NLGN1: variants seen among roughly 807,000 people sequenced by gnomAD.
NLGN1 encodes the protein neuroligin-1.
In NLGN1, 12 loss-of-function variants were observed where a neutral mutation model predicts 65.5. The observed-to-expected ratio is 0.18, with a 90% confidence interval of 0.12 to 0.30. The LOEUF is 0.30. NLGN1 is among the 10% of genes least tolerant of loss of function. The pLI, the probability that NLGN1 is intolerant of heterozygous loss-of-function variation, is 1.00. For synonymous variants in NLGN1, 350 were observed against 359.5 expected (o/e 0.97, Z 0.30); for missense variants, 750 against 1,007.1 (o/e 0.74, Z 3.46).
At chr3:174,137,381 T>C (rs1561131465) in intron 4 of NLGN1, among the ~76,000 whole-genome samples, 1 of 152,194 alleles carries the variant, frequency 6.6e-6, no homozygotes, top group Non-Finnish European at 1.5e-5. Flanking sequence ...CATAATTTTA[T>C]AGTAAAGATT....
chr3:173,716,624 C>G (rs1366303655), intron 3 of NLGN1, among the ~76,000 whole-genome samples: 2 of 152,070 alleles, frequency 1.3e-5, no homozygotes, highest in African/African-American at 4.8e-5. Flanking sequence ...GAATGCACAG[C>G]TTCAGCGAGA....
At chr3:173,969,570 C>T (rs780519689) in intron 4 of NLGN1, among the ~76,000 whole-genome samples, 5 of 152,078 alleles carry the variant, frequency 3.3e-5, no homozygotes, top group Non-Finnish European at 1.5e-5. Flanking sequence ...TTGGCCTGCC[C>T]ATTGAGAAGT....
intron 4 of NLGN1, among the ~76,000 whole-genome samples, chr3:174,127,672 C>T (rs1719241754): frequency 1.3e-5 from 2 of 152,098 alleles, no homozygotes; most frequent in Admixed American, 6.6e-5. Context: ...AAAAGGTACA[C>T]GTAGCAGGTA....
intron 2 of NLGN1, among the ~76,000 whole-genome samples, chr3:173,540,824 G>A (rs996762630): frequency 3.3e-5 from 5 of 152,056 alleles, no homozygotes; most frequent in African/African-American, 7.2e-5. Context: ...AATATGACAC[G>A]TTGACACATT....
intron 4 of NLGN1, among the ~76,000 whole-genome samples, chr3:173,941,761 A>G (rs1213191105): frequency 6.6e-6 from 1 of 152,102 alleles, no homozygotes; most frequent in Admixed American, 6.6e-5. Context: ...AACTGAAGTT[A>G]CAACTAACTG....
At chr3:173,781,855 A>G (rs1781216909) in intron 3 of NLGN1, among the ~76,000 whole-genome samples, 1 of 152,248 alleles carries the variant, frequency 6.6e-6, no homozygotes, top group Non-Finnish European at 1.5e-5. Context: ...CTCTTGGTAG[A>G]GTCATAAACT....
In NLGN1 at chr3:174,281,309, T is replaced by G. The variant is rs1490660098; in HGVS notation, c.*6T>G. The G allele has an allele frequency of 3.2e-6, 5 of 1,579,322 alleles. No homozygotes were observed. The African/African-American group carries it at 6.7e-5, about 21-fold the overall frequency. ...ATTCAACAACCAGGGTATAGCCAGA[T>G]AAGAGAAACAAACTATTTTTTTTGA... On this transcript the variant is annotated 3_prime_UTR_variant, in exon 7 of 7. Coordinates refer to ENST00000457714, the Ensembl canonical transcript of NLGN1.
chr3:173,776,261 T>A (rs1780283371), intron 3 of NLGN1, among the ~76,000 whole-genome samples: 1 of 151,994 alleles, frequency 6.6e-6, no homozygotes, highest in African/African-American at 2.4e-5. Flanking sequence ...GCAAACTGTG[T>A]CCAACTGGCC....
At chr3:173,945,860 A>G (rs1482600527) in intron 4 of NLGN1, among the ~76,000 whole-genome samples, 1 of 152,204 alleles carries the variant, frequency 6.6e-6, no homozygotes, top group East Asian at 1.9e-4. Context: ...ATTTGTAAAG[A>G]AAGGACAAGG....
chr3:173,596,029 T>C (rs1749427396), intron 2 of NLGN1, among the ~76,000 whole-genome samples: 1 of 152,220 alleles, frequency 6.6e-6, no homozygotes, highest in Non-Finnish European at 1.5e-5. Flanking sequence ...TAGTATTGTT[T>C]ATTCACAAAA....
chr3:173,914,314 G>A (rs1740276706), intron 4 of NLGN1, among the ~76,000 whole-genome samples: 1 of 152,056 alleles, frequency 6.6e-6, no homozygotes, highest in African/African-American at 2.4e-5. Flanking sequence ...TCTTCAAAGG[G>A]TTTAGGCTTT....
chr3:173,429,108 C>T (rs1041905089), intron 1 of NLGN1, among the ~76,000 whole-genome samples: 2 of 152,052 alleles, frequency 1.3e-5, no homozygotes, highest in Admixed American at 6.6e-5. Flanking sequence ...TTCTCAACTC[C>T]CTCCTGGCGG....
At chr3:174,103,643 C>T (rs141647603) in intron 4 of NLGN1, among the ~76,000 whole-genome samples, 1 of 151,912 alleles carries the variant, frequency 6.6e-6, no homozygotes, top group Non-Finnish European at 1.5e-5. Context: ...GAATCAGAGG[C>T]CTTTTGTTAT....
chr3:173,816,166 T>C (rs532165051), intron 4 of NLGN1, among the ~76,000 whole-genome samples: 1 of 151,744 alleles, frequency 6.6e-6, no homozygotes, highest in South Asian at 2.1e-4. Context: ...ATAGCCTAGT[T>C]GTAGAAGTCA....
chr3:174,197,751 C>CGTGTGTGTGTGTGTGTGTGTGTGTGT (rs71162378), intron 4 of NLGN1, among the ~76,000 whole-genome samples: 2 of 141,642 alleles, frequency 1.4e-5, no homozygotes, highest in African/African-American at 5.2e-5. Flanking sequence ...CCCATTATCT[C>CGTGTGTGTGTGTGTGTGTGTGTGTGT]GTGTGTGTGT....
intron 4 of NLGN1, among the ~76,000 whole-genome samples, chr3:173,947,355 A>G (rs1015210124): frequency 1.1e-4 from 17 of 152,170 alleles, no homozygotes; most frequent in African/African-American, 3.9e-4. Context: ...TTAACATACA[A>G]TAGTGATAAG....
chr3:173,972,947 A>AGTCTAAGAACCACTGTTAAGAGTTTAGTG (rs1716606926), intron 4 of NLGN1, among the ~76,000 whole-genome samples: 1 of 152,144 alleles, frequency 6.6e-6, no homozygotes, highest in Non-Finnish European at 1.5e-5. Context: ...CACACTGTAG[A>AGTCTAAGAACCACTGTTAAGAGTTTAGTG]GTCTAAGAAC....
At chr3:174,222,326 A>G (rs1241090231) in intron 4 of NLGN1, among the ~76,000 whole-genome samples, 2 of 152,102 alleles carry the variant, frequency 1.3e-5, no homozygotes, top group Non-Finnish European at 2.9e-5. Flanking sequence ...TTATTTTGCA[A>G]ATACTTCAAC....
Position 174,210,370 on chromosome 3 carries a change from T to C in NLGN1, c.647-64945T>C, listed in dbSNP as rs2152789970. Reference sequence around the variant, plus strand: ...CTGGTGTAGTTCCAGCACCTTCAGGTATATCTGGCACACAATATTTATACA... The same window carrying C: ...CTGGTGTAGTTCCAGCACCTTCAGGCATATCTGGCACACAATATTTATACA... On this transcript the variant is annotated intron_variant, in intron 4 of 6. Coordinates refer to ENST00000457714, the Ensembl canonical transcript of NLGN1. Among the ~76,000 whole-genome samples the C allele has an allele frequency of 2.6e-5, 4 of 152,362 alleles. No homozygotes were observed. In the East Asian group the frequency reaches 7.7e-4, roughly 29 times the overall value.
Sources: gnomAD v4.1 joint callset for allele counts (sites outside exome capture counted in the v4.1 genomes callset) on GRCh38, gnomAD v4.1.1 for gene constraint, MANE v1.5 for transcripts, NCBI Gene and HGNC (gene_info 2026-07-23, HGNC 2026-07-21) for gene names.